The following UBL3 variants were observed in gnomAD, a reference collection of about 807,000 sequenced individuals.
UBL3 encodes ubiquitin like 3, also known as ubiquitin-like protein 3.
UBL3 carries 6 observed loss-of-function variants against 18.4 expected under a neutral mutation model. The observed-to-expected ratio is 0.33, with a 90% CI of 0.18 to 0.64. UBL3 has a LOEUF of 0.64. Ranked by LOEUF, UBL3 falls within the 30% of genes least tolerant of loss-of-function variation. UBL3 has a pLI of 0.76. For synonymous variants in UBL3, 49 were observed against 46.6 expected, an observed-to-expected ratio of 1.05 and a Z score of -0.21; for missense variants, 109 against 142.9, an observed-to-expected ratio of 0.76 and a Z score of 1.21.
chr13:29,824,883 A>G (rs1405175563), intron 1 of UBL3, among the ~76,000 whole-genome samples: 4 of 152,180 alleles, frequency 2.6e-5, no homozygotes, highest in Non-Finnish European at 4.4e-5. Context: ...TAATTTTTGT[A>G]TAAGGTGTAA....
chr13:29,767,307 C>T lies in UBL3; in HGVS notation c.302G>A (p.Gly101Asp). 6.2e-7 allele frequency: 1 copy of T among 1,613,056 alleles called. No individual in the cohort carries two copies. The highest frequency in any genetic ancestry group is 1.1e-5 in the South Asian group (1 of 91,022). Residue 101 changes from glycine to aspartate, a missense_variant and splice_region_variant, in exon 5 of 5, where the codon GGT (glycine) becomes GAT (aspartate). Coordinates refer to ENST00000380680, the MANE Select transcript of UBL3 (RefSeq NM_007106.4). ...RETLPEPNSQ[G>D]QRNREKTGES... The stretch of plus-strand genomic sequence containing the variant: ...TCCAGTCTTCTCACGATTCCTCTGA[C>T]CTAGGGAAAACGAAGAAGAGCCTCG...
At chr13:29,779,570 A>G (rs879006924) in intron 1 of UBL3, among the ~76,000 whole-genome samples, 1 of 152,206 alleles carries the variant, frequency 6.6e-6, no homozygotes, top group Non-Finnish European at 1.5e-5. Context: ...AGGTGACACC[A>G]AAGCCTACTT....
intron 1 of UBL3, among the ~76,000 whole-genome samples, chr13:29,833,848 C>T (rs372714961): frequency 4.1e-4 from 63 of 152,258 alleles, no homozygotes; most frequent in African/African-American, 1.5e-3. Flanking sequence ...TACACCAGCA[C>T]CTAAAAAAGC....
chr13:29,795,125 A>G (rs1344834104), intron 1 of UBL3, among the ~76,000 whole-genome samples: 2 of 152,214 alleles, frequency 1.3e-5, no homozygotes, highest in Non-Finnish European at 2.9e-5. Context: ...ATATTCATAC[A>G]TAAACTTTTA....
Position 29,850,218 on chromosome 13 carries a change from ACAGC to A in UBL3, c.-684_-681del, listed in dbSNP as rs1879337407. Reference sequence around the variant, plus strand: ...AGCGAAAGACCGGAGCGGGGGACCGACAGCGCGGGGGTGCTCGGGGCCGGCCGGG... The same window carrying A: ...AGCGAAAGACCGGAGCGGGGGACCGAGCGGGGGTGCTCGGGGCCGGCCGGG... On this transcript the variant is annotated 5_prime_UTR_variant, in exon 1 of 5. Transcript: ENST00000380680. 2 of 152,802 alleles carry A rather than the reference ACAGC, an allele frequency of 1.3e-5. No homozygotes were observed. The highest frequency in any genetic ancestry group is 1.3e-4 in the Admixed American group (2 of 15,284). The allele number at this position is 152,802 out of a possible 1,614,324, so 9.5% of individuals were successfully genotyped here.
chr13:29,818,698 T>G (rs974827950), intron 1 of UBL3, among the ~76,000 whole-genome samples: 3 of 152,182 alleles, frequency 2.0e-5, no homozygotes, highest in African/African-American at 4.8e-5. Context: ...GCTTGTATAT[T>G]TTGATAGCAA....
intron 1 of UBL3, among the ~76,000 whole-genome samples, chr13:29,810,518 C>T (rs962903555): frequency 1.2e-4 from 18 of 152,066 alleles, no homozygotes; most frequent in African/African-American, 3.4e-4. Flanking sequence ...AGGCCAGATG[C>T]TGTACTGTTT....
chr13:29,782,858 T>G (rs951776558), intron 1 of UBL3, among the ~76,000 whole-genome samples: 1 of 152,174 alleles, frequency 6.6e-6, no homozygotes, highest in African/African-American at 2.4e-5. Context: ...ATGTCCAAAA[T>G]TGAAAAGAGC....
At chr13:29,846,774 A>G (rs1039423194) in intron 1 of UBL3, among the ~76,000 whole-genome samples, 3 of 152,254 alleles carry the variant, frequency 2.0e-5, no homozygotes, top group African/African-American at 7.2e-5. Flanking sequence ...TGACTTCAAT[A>G]GAAATGACAC....
rs1876726904 is a variant in UBL3 at position 29,767,698 on chromosome 13, A to G, written c.224-3T>C. On this transcript the variant is annotated splice_region_variant and splice_polypyrimidine_tract_variant and intron_variant, in intron 3 of 4. Transcript: ENST00000380680. The stretch of plus-strand genomic sequence containing the variant: ...TTTGCCAAAAGGAAGTTTTAATGCT[A>G]TGTGAAAAGCAAAAGATGATTAGTT... 1 of 1,612,052 alleles carries G rather than the reference A, an allele frequency of 6.2e-7. No homozygotes were observed. The highest frequency in any genetic ancestry group is 1.3e-5 in the African/African-American group (1 of 74,850).
chr13:29,807,802 C>A (rs1877934101), intron 1 of UBL3, among the ~76,000 whole-genome samples: 1 of 152,076 alleles, frequency 6.6e-6, no homozygotes, highest in Non-Finnish European at 1.5e-5. Flanking sequence ...CAGTTAACTG[C>A]AAGATTGGCA....
At chr13:29,794,567 A>T (rs1877562339) in intron 1 of UBL3, among the ~76,000 whole-genome samples, 1 of 152,226 alleles carries the variant, frequency 6.6e-6, no homozygotes, top group African/African-American at 2.4e-5. Flanking sequence ...CTATTTTTAT[A>T]GAGCTACGCA....
chr13:29,833,406 A>T (rs1441604148), intron 1 of UBL3, among the ~76,000 whole-genome samples: 1 of 150,852 alleles, frequency 6.6e-6, no homozygotes, highest in Admixed American at 6.6e-5. Context: ...TGCTGCCCAA[A>T]TTAGTGAGGA....
At chr13:29,834,983 G>A (rs2139362028) in intron 1 of UBL3, among the ~76,000 whole-genome samples, 1 of 150,152 alleles carries the variant, frequency 6.7e-6, no homozygotes, top group African/African-American at 2.5e-5. Context: ...GTGTCTGTAA[G>A]CGATCATCTT....
chr13:29,805,511 A>G (rs1877878468), intron 1 of UBL3, among the ~76,000 whole-genome samples: 1 of 152,190 alleles, frequency 6.6e-6, no homozygotes, highest in African/African-American at 2.4e-5. Flanking sequence ...TACACCCCCA[A>G]TACTACCTTC....
At chr13:29,799,013 A>T (rs1877688256) in intron 1 of UBL3, among the ~76,000 whole-genome samples, 1 of 152,232 alleles carries the variant, frequency 6.6e-6, no homozygotes, top group South Asian at 2.1e-4. Flanking sequence ...GGGAAACTGA[A>T]TACAGCTCTG....
At chr13:29,768,753 T>C (rs893757493) in intron 3 of UBL3, among the ~76,000 whole-genome samples, 2 of 151,820 alleles carry the variant, frequency 1.3e-5, no homozygotes, top group South Asian at 4.1e-4. Flanking sequence ...CATAAATACA[T>C]AATGAAAAAA....
chr13:29,799,710 G>C (rs1877711108), intron 1 of UBL3, among the ~76,000 whole-genome samples: 1 of 152,164 alleles, frequency 6.6e-6, no homozygotes, highest in African/African-American at 2.4e-5. Context: ...TTGAAACCTA[G>C]TTTAGAAGTT....
intron 1 of UBL3, among the ~76,000 whole-genome samples, chr13:29,806,693 T>A (rs1877906435): frequency 1.3e-5 from 2 of 152,184 alleles, no homozygotes; most frequent in South Asian, 4.1e-4. Context: ...TGGCTTAAAT[T>A]CAGAAATATT....
Sources: gnomAD v4.1 joint callset for allele counts (sites outside exome capture counted in the v4.1 genomes callset) on GRCh38, gnomAD v4.1.1 for gene constraint, MANE v1.5 for transcripts, NCBI Gene and HGNC (gene_info 2026-07-23, HGNC 2026-07-21) for gene names.